GPR149: variants seen among roughly 807,000 people sequenced by gnomAD.
GPR149 encodes the protein probable G protein-coupled receptor 149.
A neutral mutation model predicts 50.2 loss-of-function variants in GPR149; 50 were observed. The ratio of observed to expected loss-of-function variants is 1.00; its 90% confidence interval spans 0.79 to 1.26. The LOEUF (loss-of-function observed/expected upper bound fraction) is 1.26, where lower values mean the gene tolerates loss of function less well. Ranked by LOEUF, GPR149 falls within the 50% of genes most tolerant of loss-of-function variation. GPR149 has a pLI of 0.00. For synonymous variants in GPR149, 405 were observed against 358.2 expected (o/e 1.13, Z -1.48); for missense variants, 983 against 895.4 (o/e 1.10, Z -1.25).
At chr3:154,370,717 A>G (rs1203826553) in intron 3 of GPR149, among the ~76,000 whole-genome samples, 1 of 152,124 alleles carries the variant, frequency 6.6e-6, no homozygotes, top group Non-Finnish European at 1.5e-5. Context: ...CCTCCTGGAC[A>G]CTGGTGTGGT....
chr3:154,412,439 T>C (rs1378314306), intron 3 of GPR149, among the ~76,000 whole-genome samples: 1 of 152,038 alleles, frequency 6.6e-6, no homozygotes, highest in Non-Finnish European at 1.5e-5. Flanking sequence ...TAACGACTCA[T>C]CTAAAAAGCT....
At chr3:154,353,478 T>C (rs1576901759) in intron 3 of GPR149, 3 of 912,902 alleles carry the variant, frequency 3.3e-6, no homozygotes, top group Non-Finnish European at 5.5e-6. Flanking sequence ...AAGCACAACA[T>C]GGCACAGTTT....
intron 3 of GPR149, among the ~76,000 whole-genome samples, chr3:154,415,293 T>C (rs912509234): frequency 6.6e-6 from 1 of 151,960 alleles, no homozygotes; most frequent in African/African-American, 2.4e-5. Flanking sequence ...GATCCAATGC[T>C]AATTCCCTTC....
rs1185517377 is a variant in GPR149 at position 154,338,276 on chromosome 3, G to A, written c.1624-5C>T. On this transcript the variant is annotated splice_polypyrimidine_tract_variant and splice_region_variant and intron_variant, in intron 3 of 3. Coordinates refer to ENST00000389740, the MANE Select transcript of GPR149 (RefSeq NM_001038705.3). ...GGCAAGGGCATAACCGGAACGCTGG[G>A]GACAAAAACAAAATTGTTATTGTTG... The A allele has an allele frequency of 3.3e-6, 5 of 1,523,034 alleles. No individual in the cohort carries two copies. The highest frequency in any genetic ancestry group is 3.5e-6 in the Non-Finnish European group (4 of 1,136,458). 94.3% of individuals were successfully genotyped at this position (1,523,034 alleles called of 1,614,324 possible). A position where few individuals can be genotyped will look rare whatever the true frequency, so the allele number is the denominator to read the frequency against.
intron 3 of GPR149, chr3:154,353,431 C>T: frequency 9.7e-7 from 1 of 1,026,074 alleles, no homozygotes; most frequent in East Asian, 2.4e-5. Flanking sequence ...TCAACTTGTT[C>T]ATTAAAATCT....
At chr3:154,351,311 T>TGC (rs1341107044) in intron 3 of GPR149, among the ~76,000 whole-genome samples, 306 of 19,700 alleles carry the variant, frequency 0.016, 71 homozygotes, top group Middle Eastern at 0.05. Context: ...GACATCCACA[T>TGC]ACAAAAAAAA....
chr3:154,421,111 A>G lies in GPR149; in HGVS notation c.1551T>C (p.His517=). The change falls in exon 3 of 4, where the codon CAT becomes CAC. Residue 517 remains histidine, a synonymous_variant. Coordinates refer to ENST00000389740, the MANE Select transcript of GPR149 (RefSeq NM_001038705.3). The stretch of plus-strand genomic sequence containing the variant: ...AAAGATCTGGTTTCTGACTCTCTTC[A>G]TGAGACAGTCTTCTTTCTGGCCCTT... ...FSEGPERRLS[H]EESQKPDLSD... is the part of the protein sequence containing the mutation. The G allele has an allele frequency of 6.2e-7, 1 of 1,613,264 alleles. No individual in the cohort carries two copies. The highest frequency in any genetic ancestry group is 1.1e-5 in the South Asian group (1 of 91,066).
At chr3:154,375,872 A>G (rs1714782719) in intron 3 of GPR149, among the ~76,000 whole-genome samples, 1 of 152,158 alleles carries the variant, frequency 6.6e-6, no homozygotes, top group Admixed American at 6.6e-5. Context: ...TAGAAAACAC[A>G]AATTTGCTCC....
rs1014510980 is a variant in GPR149 at position 154,428,718 on chromosome 3, T to G, written c.898A>C (p.Arg300=). ...TGCGCTACGCTCACGGTGAAGCTCC[T>G]GGTGCCATAGAGAGTCCCCCGGTTC... ...RENRGTLYGT[R]SFTVSVAQKR... is the part of the protein sequence containing the mutation. The change falls in exon 1 of 4, where the codon AGG becomes CGG. Residue 300 remains arginine (R), a synonymous_variant. Coordinates refer to ENST00000389740, the MANE Select transcript of GPR149 (RefSeq NM_001038705.3). 1 of 1,614,036 alleles carries G rather than the reference T, an allele frequency of 6.2e-7. No homozygotes were observed. The highest frequency in any genetic ancestry group is 1.3e-5 in the African/African-American group (1 of 74,936).
In GPR149 at chr3:154,336,650, G is replaced by T. The variant is rs925685232; in HGVS notation, c.*1049C>A. 6.6e-6 allele frequency: 1 copy of T among 151,954 alleles called. No individual in the cohort carries two copies. The highest frequency in any genetic ancestry group is 1.5e-5 in the Non-Finnish European group (1 of 67,930). The allele number at this position is 151,954 out of a possible 1,614,324, so 9.4% of individuals were successfully genotyped here. ...ACCTTACAATCACTTAATAAAATAGGTTCAACTGTTTCTTTGAGACAACAC... is the reference window on the plus strand; with the variant it reads ...ACCTTACAATCACTTAATAAAATAGTTTCAACTGTTTCTTTGAGACAACAC... On this transcript the variant is annotated 3_prime_UTR_variant, in exon 4 of 4. Coordinates refer to ENST00000389740, the MANE Select transcript of GPR149 (RefSeq NM_001038705.3).
chr3:154,426,060 A>C (rs373385215), intron 2 of GPR149, among the ~76,000 whole-genome samples: 16 of 152,254 alleles, frequency 1.1e-4, no homozygotes, highest in East Asian at 5.8e-4. Context: ...AGAATGTTAG[A>C]GTTTTGAGGT....
At position 154,351,077 on chromosome 3, in the gene GPR149, G is replaced by A. The variant is rs116519914; in HGVS notation, c.1624-12806C>T. ...ACATATAGGAACCCACAGATACAGAGAGTTGACTGTATAATGGGAGGAATC... is the reference window on the plus strand; with the variant it reads ...ACATATAGGAACCCACAGATACAGAAAGTTGACTGTATAATGGGAGGAATC... On this transcript the variant is annotated intron_variant, in intron 3 of 3. Transcript: ENST00000389740. Among the ~76,000 whole-genome samples, 1,080 of 152,086 alleles carry A rather than the reference G, an allele frequency of 7.1e-3. 12 individuals carry two copies. The highest frequency in any genetic ancestry group is 0.025 in the African/African-American group (1,044 of 41,522).
At chr3:154,377,009 T>C (rs9872822) in intron 3 of GPR149, among the ~76,000 whole-genome samples, 3,606 of 143,722 alleles carry the variant, frequency 0.025, 64 homozygotes, top group Non-Finnish European at 0.039. Flanking sequence ...ACTTCAAAAA[T>C]ATTAGCTATT....
intron 3 of GPR149, among the ~76,000 whole-genome samples, chr3:154,356,685 T>C (rs1352812419): frequency 6.6e-6 from 1 of 151,926 alleles, no homozygotes; most frequent in Admixed American, 6.6e-5. Flanking sequence ...TAAAAGAGGA[T>C]ACAAACAAAT....
intron 3 of GPR149, among the ~76,000 whole-genome samples, chr3:154,367,334 C>CT (rs1286970238): frequency 1.0e-4 from 4 of 38,274 alleles, no homozygotes; most frequent in East Asian, 0.014. Flanking sequence ...CCCTCTCTCC[C>CT]TTCCCCCCCC....
intron 3 of GPR149, among the ~76,000 whole-genome samples, chr3:154,373,141 A>G (rs1004974604): frequency 6.6e-6 from 1 of 152,168 alleles, no homozygotes; most frequent in African/African-American, 2.4e-5. Flanking sequence ...GGACATTTAA[A>G]GAATGGGCAG....
intron 3 of GPR149, among the ~76,000 whole-genome samples, chr3:154,416,086 T>G (rs1711979767): frequency 6.6e-6 from 1 of 151,874 alleles, no homozygotes; most frequent in Admixed American, 6.6e-5. Context: ...CTGTTCTCGT[T>G]TTTTAAATAG....
At chr3:154,361,258 C>T (rs1476846628) in intron 3 of GPR149, among the ~76,000 whole-genome samples, 1 of 152,160 alleles carries the variant, frequency 6.6e-6, no homozygotes, top group East Asian at 1.9e-4. Flanking sequence ...CATATGCACA[C>T]TTTTCAGAAA....
intron 2 of GPR149, among the ~76,000 whole-genome samples, chr3:154,426,353 T>G (rs1292039211): frequency 6.6e-6 from 1 of 152,242 alleles, no homozygotes; most frequent in African/African-American, 2.4e-5. Flanking sequence ...AGTTCATGGC[T>G]AATTATATAA....
Sources: gnomAD v4.1 joint callset for allele counts (sites outside exome capture counted in the v4.1 genomes callset) on GRCh38, gnomAD v4.1.1 for gene constraint, MANE v1.5 for transcripts, NCBI Gene and HGNC (gene_info 2026-07-23, HGNC 2026-07-21) for gene names.